NUP188: variants seen among roughly 807,000 people sequenced by gnomAD.
NUP188 encodes the protein nucleoporin 188.
Under a neutral mutation model 223.0 loss-of-function variants are expected in NUP188, and 97 were observed. That is an observed-to-expected ratio of 0.43 (90% CI 0.37 to 0.51). The LOEUF is 0.51. Among genes scored for constraint, NUP188 ranks in the 20% least tolerant of loss-of-function variants. The pLI is 0.00. For missense variants in NUP188, 1,947 were observed against 2,175.6 expected (o/e 0.89, Z 2.09); for synonymous variants, 869 against 828.0 (o/e 1.05, Z -0.85).
chr9:129,001,585 T>C lies in NUP188; in HGVS notation c.3900T>C (p.Gly1300=). The C allele has an allele frequency of 1.2e-6, 2 of 1,614,052 alleles. No individual in the cohort carries two copies. The highest frequency in any genetic ancestry group is 8.5e-7 in the Non-Finnish European group (1 of 1,180,004). The change falls in exon 35 of 44, where the codon GGT becomes GGC. Residue 1300 remains glycine (G), a synonymous_variant. Transcript: ENST00000372577. ...AGCTGTGTGAGGTAGACGAGGATGG[T>C]GACTCCTGGCTGCAGGTAACCCGCA... is the stretch of plus-strand genomic sequence containing the variant. The part of the protein sequence containing the change: ...AKELCEVDED[G]DSWLQVTRRL...
At chr9:129,002,474 CCT>C (rs948100751) in intron 36 of NUP188, among the ~76,000 whole-genome samples, 43 of 152,282 alleles carry the variant, frequency 2.8e-4, no homozygotes, top group African/African-American at 1.0e-3. Context: ...TTCACCTGAA[CCT>C]CTCTCTCTCA....
Position 128,970,871 on chromosome 9 carries a change from C to G in NUP188, c.1026C>G (p.Val342=). The change falls in exon 11 of 44, where the codon GTC becomes GTG. Residue 342 remains valine (V), a synonymous_variant. Coordinates refer to ENST00000372577, the MANE Select transcript of NUP188 (RefSeq NM_015354.3). ...TLNPEETSSV[V]RKIGGTAIQL... is the part of the protein sequence containing the mutation. The stretch of plus-strand genomic sequence containing the variant: ...ACCCAGAAGAGACAAGCAGTGTGGT[C>G]CGGAAGATAGGTGGCACAGCCATCC... 1 of 1,614,088 alleles carries G rather than the reference C, an allele frequency of 6.2e-7. No individual in the cohort carries two copies. The highest frequency in any genetic ancestry group is 8.5e-7 in the Non-Finnish European group (1 of 1,180,018).
chr9:128,972,772 G>A (rs1393455921), intron 11 of NUP188, among the ~76,000 whole-genome samples: 1 of 152,058 alleles, frequency 6.6e-6, no homozygotes, highest in Non-Finnish European at 1.5e-5. Context: ...CTATTTAAAA[G>A]GAAGAAAACT....
chr9:128,999,238 C>T lies in NUP188; in HGVS notation c.3582C>T (p.Ala1194=), dbSNP rs148845618. Reference sequence around the variant, plus strand: ...AGATCCTGGAGGGAGTGCTGCAGGCCGACCAGCAACTCATGGAGAAGACCA... The same window carrying T: ...AGATCCTGGAGGGAGTGCTGCAGGCTGACCAGCAACTCATGGAGAAGACCA... ...LTEILEGVLQ[A]DQQLMEKTKA... is the part of the protein sequence containing the mutation. Residue 1194 remains alanine (A), a synonymous_variant, in exon 33 of 44, where the codon GCC becomes GCT. Transcript: ENST00000372577. 1.4e-5 allele frequency: 23 copies of T among 1,614,028 alleles called. No individual in the cohort carries two copies. Among genetic ancestry groups the T allele is most frequent in the South Asian group, 6.6e-5 (6 of 91,074 alleles).
chr9:128,969,990 C>A (rs899034799), intron 10 of NUP188, among the ~76,000 whole-genome samples: 8 of 147,686 alleles, frequency 5.4e-5, no homozygotes, highest in African/African-American at 1.8e-4. Flanking sequence ...TGCAGTGGTG[C>A]CATCTCGGCT....
intron 2 of NUP188, among the ~76,000 whole-genome samples, chr9:128,950,648 C>G (rs986216738): frequency 6.6e-6 from 1 of 152,038 alleles, no homozygotes; most frequent in Non-Finnish European, 1.5e-5. Context: ...CAAGGCCAAC[C>G]CTGGCAAGAT....
chr9:128,996,595 G>T (rs951782232), intron 30 of NUP188, among the ~76,000 whole-genome samples: 1 of 152,106 alleles, frequency 6.6e-6, no homozygotes, highest in Non-Finnish European at 1.5e-5. Flanking sequence ...CAGGTTTGTG[G>T]CTACTCTTGC....
chr9:128,956,490 T>A (rs1055443532), intron 4 of NUP188, 56 bp downstream of exon 4: 3 of 866,280 alleles, frequency 3.5e-6, no homozygotes, highest in Non-Finnish European at 5.4e-6. Context: ...ATGTGCGTGG[T>A]TATATTGCTA....
At position 128,956,332 on chromosome 9, in the gene NUP188, T is replaced by A; in HGVS notation, c.162-18T>A. On this transcript the variant is annotated intron_variant, in intron 3 of 43. Coordinates refer to ENST00000372577, the MANE Select transcript of NUP188 (RefSeq NM_015354.3). ...GGGCTATTGAGAATGAAGAAATGAT[T>A]CACTGTTCTTTTTGTAGTCCAAGTT... is the stretch of plus-strand genomic sequence containing the variant. 6.8e-7 allele frequency: 1 copy of A among 1,461,364 alleles called. No individual in the cohort carries two copies. The highest frequency in any genetic ancestry group is 9.3e-7 in the Non-Finnish European group (1 of 1,072,878). 90.5% of individuals were successfully genotyped at this position (1,461,364 alleles called of 1,614,324 possible). A position where few individuals can be genotyped will look rare whatever the true frequency, so the allele number is the denominator to read the frequency against.
At position 128,995,425 on chromosome 9, in the gene NUP188, G is replaced by A. The variant is rs760591572; in HGVS notation, c.3262G>A (p.Glu1088Lys). Residue 1088 changes from glutamate (E) to lysine (K), a missense_variant, in exon 30 of 44, where the codon GAA becomes AAA. Transcript: ENST00000372577. ...YVKSLAVHVA[E>K]TEGSSCTSLL... ...CAAGTCATTGGCAGTTCACGTGGCC[G>A]AAACAGAAGGCAGCAGCTGCACCTC... 1.2e-5 allele frequency: 19 copies of A among 1,613,748 alleles called. No homozygotes were observed. Among genetic ancestry groups the A allele is most frequent in the Non-Finnish European group, 1.5e-5 (18 of 1,179,928 alleles).
chr9:128,968,942 GTTCA>G (rs767415089), intron 9 of NUP188, among the ~76,000 whole-genome samples: 10 of 152,098 alleles, frequency 6.6e-5, no homozygotes, highest in Admixed American at 3.3e-4. Context: ...CATTTAAGGG[GTTCA>G]TTCATTCATT....
chr9:128,995,305 T>TC lies in NUP188; in HGVS notation c.3156-13dup. On this transcript the variant is annotated splice_polypyrimidine_tract_variant and intron_variant, in intron 29 of 43. Transcript: ENST00000372577. ...TTTCAAAATCTAACTGGAGGTTTTTTCTTGACACTGTAGGGGTTCATTAGA... is the reference window on the plus strand; with the variant it reads ...TTTCAAAATCTAACTGGAGGTTTTTTCCTTGACACTGTAGGGGTTCATTAGA... 1 of 1,608,232 alleles carries TC rather than the reference T, an allele frequency of 6.2e-7. No individual in the cohort carries two copies. The highest frequency in any genetic ancestry group is 8.5e-7 in the Non-Finnish European group (1 of 1,174,964).
chr9:128,990,280 C>T, intron 25 of NUP188, 54 bp downstream of exon 25: 1 of 1,407,868 alleles, frequency 7.1e-7, no homozygotes, highest in South Asian at 1.1e-5. Flanking sequence ...TTTTTTTCCC[C>T]CTGATTACAA....
In NUP188 at chr9:128,998,555, A is replaced by C. The variant is rs1289385626; in HGVS notation, c.3447A>C (p.Ser1149=). 2.5e-6 allele frequency: 4 copies of C among 1,614,024 alleles called. No homozygotes were observed. In the South Asian group the frequency reaches 4.4e-5, roughly 18 times the overall value. ...CCTTTCAGCTCCTAGTTCCAGCCTC[A>C]GTGAACTGCCTTCGCCTTGGCTCCA... ...GTKALLLVPA[S]VNCLRLGSMK... Residue 1149 remains serine, a synonymous_variant, in exon 32 of 44, where the codon TCA becomes TCC. Transcript: ENST00000372577.
intron 12 of NUP188, among the ~76,000 whole-genome samples, chr9:128,977,272 G>T (rs1466821891): frequency 6.6e-6 from 1 of 151,842 alleles, no homozygotes; most frequent in South Asian, 2.1e-4. Context: ...GGCGCCCGCC[G>T]CCATACCCAG....
chr9:129,005,510 T>C lies in NUP188; in HGVS notation c.4717T>C (p.Cys1573Arg), dbSNP rs763694926. 1 of 1,606,734 alleles carries C rather than the reference T, an allele frequency of 6.2e-7. No individual in the cohort carries two copies. Among genetic ancestry groups the C allele is most frequent in the Non-Finnish European group, 8.5e-7 (1 of 1,179,994 alleles). The stretch of plus-strand genomic sequence containing the variant: ...CCTGCGCCACTTCACCCCAGATGTC[T>C]GCCAGATTCTGCTGGATCAGGTACT... ...AALRHFTPDV[C>R]QILLDQSLDL... The change falls in exon 40 of 44, where the codon TGC becomes CGC. Residue 1573 changes from cysteine (C) to arginine (R), a missense_variant. This residue lies in a region of NUP188 where 905 missense variants were observed against 990.6 expected (regional missense o/e 0.91). Coordinates refer to ENST00000372577, the MANE Select transcript of NUP188 (RefSeq NM_015354.3).
rs1187559620 is a variant in NUP188 at position 128,994,454 on chromosome 9, C to T, written c.3087+12C>T. 6.2e-7 allele frequency: 1 copy of T among 1,600,836 alleles called. No individual in the cohort carries two copies. Among genetic ancestry groups the T allele is most frequent in the East Asian group, 2.2e-5 (1 of 44,838 alleles). Reference sequence around the variant, plus strand: ...CTGAAACATCAGAGGTAAGCTGTGGCAGAGGGCAGGATGGTGGCTACAAGT... The same window carrying T: ...CTGAAACATCAGAGGTAAGCTGTGGTAGAGGGCAGGATGGTGGCTACAAGT... On this transcript the variant is annotated intron_variant, in intron 28 of 43. Transcript: ENST00000372577.
rs1401811857 is a variant in NUP188, at chr9:129,001,971, G to A, written c.4132G>A (p.Ala1378Thr). The A allele has an allele frequency of 6.2e-7, 1 of 1,613,748 alleles. No individual in the cohort carries two copies. The highest frequency in any genetic ancestry group is 8.5e-7 in the Non-Finnish European group (1 of 1,179,766). ...SVYQLSTNGT[A>T]QTPSASRKSL... ...GTACCAGCTGAGCACCAACGGCACA[G>A]CACAGGTGAGTGTCAGGAGCTTGCC... is the stretch of plus-strand genomic sequence containing the variant. The change falls in exon 36 of 44, where the codon GCA becomes ACA. Residue 1378 changes from alanine to threonine, a missense_variant. Coordinates refer to ENST00000372577, the MANE Select transcript of NUP188 (RefSeq NM_015354.3).
Position 128,956,833 on chromosome 9 carries a change from T to C in NUP188, c.247-119T>C, listed in dbSNP as rs529127910. The stretch of plus-strand genomic sequence containing the variant: ...CAGAATTGTTATGTTTTATGAATCT[T>C]TGAGAAGCATTTTTGTTTATTCAAG... On this transcript the variant is annotated intron_variant, in intron 4 of 43. Transcript: ENST00000372577. 5 of 647,900 alleles carry C rather than the reference T, an allele frequency of 7.7e-6. 1 individual carries two copies. The South Asian group carries it at 1.1e-4, about 14-fold the overall frequency. The allele number at this position is 647,900 out of a possible 1,614,324, so 40.1% of individuals were successfully genotyped here.
Sources: gnomAD v4.1 joint callset for allele counts (sites outside exome capture counted in the v4.1 genomes callset) on GRCh38, gnomAD v4.1.1 for gene constraint, gnomAD v4.1.1 regional missense constraint, MANE v1.5 for transcripts, NCBI Gene and HGNC (gene_info 2026-07-23, HGNC 2026-07-21) for gene names.